The following SEMA3A variants were observed in gnomAD, a reference collection of about 807,000 sequenced individuals.
SEMA3A encodes semaphorin 3A.
SEMA3A carries 29 observed loss-of-function variants against 97.9 expected under a neutral mutation model. That is an observed-to-expected ratio of 0.30 (90% CI 0.22 to 0.40). The LOEUF (loss-of-function observed/expected upper bound fraction) is 0.40. SEMA3A is among the 10% of genes least tolerant of loss of function. SEMA3A has a pLI of 1.00. For missense variants in SEMA3A, 763 were observed against 951.3 expected (o/e 0.80, Z 2.60); for synonymous variants, 321 against 323.7 (o/e 0.99, Z 0.09).
At chr7:84,413,751 A>G (rs1804346479) in intron 1 of SEMA3A, among the ~76,000 whole-genome samples, 1 of 152,162 alleles carries the variant, frequency 6.6e-6, no homozygotes. Flanking sequence ...TCTAGACTTT[A>G]TTCTATTTCT....
intron 4 of SEMA3A, among the ~76,000 whole-genome samples, chr7:84,065,575 T>C (rs1793446986): frequency 6.8e-6 from 1 of 147,070 alleles, no homozygotes; most frequent in Non-Finnish European, 1.5e-5. Flanking sequence ...CAATAAGAAA[T>C]GATAAAGGGG....
chr7:84,325,543 A>T (rs1801755827), intron 2 of SEMA3A, among the ~76,000 whole-genome samples: 1 of 151,972 alleles, frequency 6.6e-6, no homozygotes, highest in African/African-American at 2.4e-5. Context: ...ATGTGGCTGC[A>T]GTGGTCCAAG....
intron 1 of SEMA3A, among the ~76,000 whole-genome samples, chr7:84,373,816 T>C (rs559224606): frequency 1.3e-5 from 2 of 152,332 alleles, no homozygotes; most frequent in African/African-American, 4.8e-5. Context: ...TTGTCTAGTG[T>C]CTGGAAAATA....
chr7:84,052,176 T>C (rs1792699589), intron 5 of SEMA3A, among the ~76,000 whole-genome samples: 1 of 151,846 alleles, frequency 6.6e-6, no homozygotes, highest in South Asian at 2.1e-4. Context: ...AATTCTCTTT[T>C]TTGGTTGTGT....
At chr7:84,179,141 A>G (rs1797660775) in intron 1 of SEMA3A, among the ~76,000 whole-genome samples, 1 of 152,194 alleles carries the variant, frequency 6.6e-6, no homozygotes, top group Admixed American at 6.5e-5. Flanking sequence ...CCCATTGAAC[A>G]TAAGTTCTTT....
chr7:84,333,906 A>C (rs1801966763), intron 2 of SEMA3A, among the ~76,000 whole-genome samples: 1 of 146,320 alleles, frequency 6.8e-6, no homozygotes, highest in South Asian at 2.2e-4. Context: ...GAATGCACTG[A>C]AAAGAAGAGA....
At chr7:84,448,079 C>A (rs1055301422) in intron 1 of SEMA3A, among the ~76,000 whole-genome samples, 1 of 152,134 alleles carries the variant, frequency 6.6e-6, no homozygotes, top group Non-Finnish European at 1.5e-5. Flanking sequence ...GGCCATACAC[C>A]CTTCGTCGCT....
At chr7:84,005,652 A>T in intron 10 of SEMA3A, 94 bp from the exon 11 acceptor site, 1 of 869,308 alleles carries the variant, frequency 1.2e-6, no homozygotes, top group Non-Finnish European at 1.7e-6. Context: ...GGTTCTACTT[A>T]AAATAGTAGT....
chr7:84,302,745 A>G (rs925760622), intron 3 of SEMA3A, among the ~76,000 whole-genome samples: 1 of 152,174 alleles, frequency 6.6e-6, no homozygotes, highest in Admixed American at 6.6e-5. Context: ...CAAATGAAAA[A>G]GAAAGTTTAG....
intron 1 of SEMA3A, among the ~76,000 whole-genome samples, chr7:84,147,168 T>C (rs1176025084): frequency 6.6e-6 from 1 of 152,164 alleles, no homozygotes; most frequent in Non-Finnish European, 1.5e-5. Flanking sequence ...CAGTGGAAAA[T>C]ATTCACATAT....
chr7:84,153,050 C>T (rs911602970), intron 1 of SEMA3A, among the ~76,000 whole-genome samples: 4 of 152,072 alleles, frequency 2.6e-5, no homozygotes, highest in African/African-American at 4.8e-5. Context: ...AAGTTCATAG[C>T]TGAGTTTGTT....
At chr7:84,172,508 G>A (rs937105482) in intron 1 of SEMA3A, among the ~76,000 whole-genome samples, 14 of 151,982 alleles carry the variant, frequency 9.2e-5, no homozygotes, top group Admixed American at 3.3e-4. Flanking sequence ...TTCAAGCTCC[G>A]CCTCCTGGGT....
chr7:84,128,834 T>G (rs993457766), intron 3 of SEMA3A, among the ~76,000 whole-genome samples: 1 of 152,164 alleles, frequency 6.6e-6, no homozygotes, highest in African/African-American at 2.4e-5. Context: ...CCTGACCTCA[T>G]GTGATTAGTC....
chr7:83,976,292 T>C (rs975534796), intron 15 of SEMA3A, among the ~76,000 whole-genome samples: 1 of 152,116 alleles, frequency 6.6e-6, no homozygotes, highest in African/African-American at 2.4e-5. Flanking sequence ...TGATAAATAT[T>C]AACTACTTTT....
intron 14 of SEMA3A, among the ~76,000 whole-genome samples, chr7:83,977,707 A>T (rs1408327647): frequency 6.6e-6 from 1 of 151,952 alleles, no homozygotes; most frequent in Admixed American, 6.6e-5. Context: ...ACTTTTGCTA[A>T]ATTTTATAAT....
intron 2 of SEMA3A, among the ~76,000 whole-genome samples, chr7:84,336,488 T>C (rs1290707079): frequency 1.3e-5 from 2 of 151,924 alleles, no homozygotes; most frequent in Admixed American, 6.6e-5. Flanking sequence ...TAGTAATGAG[T>C]AGATGGAACT....
intron 1 of SEMA3A, among the ~76,000 whole-genome samples, chr7:84,464,283 G>A (rs530892967): frequency 6.6e-6 from 1 of 152,254 alleles, no homozygotes; most frequent in African/African-American, 2.4e-5. Context: ...CAAGCGACTT[G>A]CAGAACACAA....
chr7:83,959,334 T>C lies in SEMA3A; in HGVS notation c.*2037A>G, dbSNP rs1273902383. ...ATGTTAGTACAGTTTAGATACTTTA[T>C]GAAAATAAAAGAATGACCTATTTTT... On this transcript the variant is annotated 3_prime_UTR_variant, in exon 17 of 17. Coordinates refer to ENST00000265362, the MANE Select transcript of SEMA3A (RefSeq NM_006080.3). 1.3e-5 allele frequency: 2 copies of C among 152,110 alleles called. No homozygotes were observed. The highest frequency in any genetic ancestry group is 2.4e-5 in the African/African-American group (1 of 41,454). 9.4% of individuals were successfully genotyped at this position (152,110 alleles called of 1,614,324 possible). A position where few individuals can be genotyped will look rare whatever the true frequency, so the allele number is the denominator to read the frequency against.
At position 84,257,383 on chromosome 7, in the gene SEMA3A, AT is replaced by A. The variant is rs993092745; in HGVS notation, c.-83+49823del. On this transcript the variant is annotated intron_variant, in intron 3 of 3. Transcript: ENST00000424555. ...CCATGCTACCTGTTTTAAAACTTAC[AT>A]TTTTTTCCCCAGGAGATTAGGAAAC... Among the ~76,000 whole-genome samples the A allele has an allele frequency of 3.3e-5, 5 of 151,988 alleles. No individual in the cohort carries two copies. The East Asian group carries it at 5.8e-4, about 18-fold the overall frequency.
Sources: gnomAD v4.1 joint callset for allele counts (sites outside exome capture counted in the v4.1 genomes callset) on GRCh38, gnomAD v4.1.1 for gene constraint, MANE v1.5 for transcripts, NCBI Gene and HGNC (gene_info 2026-07-23, HGNC 2026-07-21) for gene names.